The following RBFOX1 variants were observed in gnomAD, a reference collection of about 807,000 sequenced individuals.
RBFOX1 encodes RNA binding fox-1 homolog 1.
Under a neutral mutation model 57.7 loss-of-function variants are expected in RBFOX1, and 8 were observed. The observed-to-expected ratio is 0.14, with a 90% CI of 0.08 to 0.25. The LOEUF (loss-of-function observed/expected upper bound fraction) is 0.25, where lower values mean the gene tolerates loss of function less well. Ranked by LOEUF, RBFOX1 falls within the 10% of genes least tolerant of loss-of-function variation. The pLI is 1.00. For synonymous variants in RBFOX1, 326 were observed against 222.4 expected (o/e 1.47, Z -4.15); for missense variants, 611 against 548.5 (o/e 1.11, Z -1.14).
intron 3 of RBFOX1, among the ~76,000 whole-genome samples, chr16:5,633,911 A>T (rs1238600005): frequency 6.6e-6 from 1 of 152,132 alleles, no homozygotes; most frequent in East Asian, 1.9e-4. Context: ...GAAGATATAC[A>T]GACACCCAAC....
chr16:7,032,034 T>C (rs1461097356), intron 3 of RBFOX1, among the ~76,000 whole-genome samples: 1 of 152,206 alleles, frequency 6.6e-6, no homozygotes, highest in Non-Finnish European at 1.5e-5. Flanking sequence ...AGAAAGTCGA[T>C]TCTCCTTTGT....
At position 7,384,074 on chromosome 16, in the gene RBFOX1, C is replaced by A. The variant is rs553045186; in HGVS notation, c.28-134073C>A. 7.3e-5 allele frequency among the ~76,000 whole-genome samples: 11 copies of A among 151,178 alleles called. No homozygotes were observed. The South Asian group carries it at 1.7e-3, about 23-fold the overall frequency. ...ATCTCAAAAAAAAAAAAAAAGTATC[C>A]CAAGTATGAGAAACATCAGTATAAA... On this transcript the variant is annotated intron_variant, in intron 4 of 15. Coordinates refer to ENST00000550418, the MANE Select transcript of RBFOX1 (RefSeq NM_018723.4).
At chr16:6,646,315 T>TC (rs1225156383) in intron 2 of RBFOX1, among the ~76,000 whole-genome samples, 1 of 152,074 alleles carries the variant, frequency 6.6e-6, no homozygotes, top group African/African-American at 2.4e-5. Flanking sequence ...CTGGGGCGCC[T>TC]CCCGCATAGA....
At chr16:7,133,839 C>T (rs978049693) in intron 4 of RBFOX1, among the ~76,000 whole-genome samples, 3 of 152,132 alleles carry the variant, frequency 2.0e-5, no homozygotes, top group African/African-American at 2.4e-5. Flanking sequence ...TACTCCAAAA[C>T]GTAATGCCCA....
intron 3 of RBFOX1, among the ~76,000 whole-genome samples, chr16:5,779,363 G>T (rs904927760): frequency 1.3e-5 from 2 of 152,158 alleles, no homozygotes; most frequent in Middle Eastern, 3.2e-3. Flanking sequence ...TTTGAACCTA[G>T]CACGAAAGCA....
chr16:7,654,710 C>T (rs1400856294), intron 12 of RBFOX1, among the ~76,000 whole-genome samples: 1 of 152,118 alleles, frequency 6.6e-6, no homozygotes, highest in Non-Finnish European at 1.5e-5. Flanking sequence ...TTTTAAGGCT[C>T]CTGCTAGAAT....
At chr16:6,798,332 G>C (rs1415741741) in intron 3 of RBFOX1, among the ~76,000 whole-genome samples, 1 of 152,148 alleles carries the variant, frequency 6.6e-6, no homozygotes, top group Non-Finnish European at 1.5e-5. Context: ...TCTGAAAAAG[G>C]TTAAATTTTG....
At chr16:7,665,464 G>C (rs1364841959) in intron 13 of RBFOX1, among the ~76,000 whole-genome samples, 2 of 152,040 alleles carry the variant, frequency 1.3e-5, no homozygotes, top group African/African-American at 4.8e-5. Flanking sequence ...AACATCTCCT[G>C]ATTCTCTTAA....
intron 4 of RBFOX1, among the ~76,000 whole-genome samples, chr16:7,242,714 G>A (rs1459547975): frequency 6.6e-5 from 10 of 152,200 alleles, no homozygotes; most frequent in Non-Finnish European, 1.3e-4. Flanking sequence ...GTTGGACCAG[G>A]TTTCTGATTG....
chr16:6,206,329 C>T (rs1464585893), intron 1 of RBFOX1, among the ~76,000 whole-genome samples: 1 of 152,164 alleles, frequency 6.6e-6, no homozygotes, highest in African/African-American at 2.4e-5. Context: ...ACCTCCTATC[C>T]TTCAGGAATC....
At chr16:6,961,814 T>C (rs1242243948) in intron 3 of RBFOX1, among the ~76,000 whole-genome samples, 1 of 152,158 alleles carries the variant, frequency 6.6e-6, no homozygotes, top group Non-Finnish European at 1.5e-5. Flanking sequence ...TTATAATTAA[T>C]GTATAATGAG....
chr16:6,796,523 C>T (rs375949368), intron 3 of RBFOX1, among the ~76,000 whole-genome samples: 2 of 152,178 alleles, frequency 1.3e-5, no homozygotes, highest in Non-Finnish European at 2.9e-5. Context: ...CTGTAAATAA[C>T]AGAATAGATG....
intron 3 of RBFOX1, among the ~76,000 whole-genome samples, chr16:5,644,330 T>C (rs2048978619): frequency 6.6e-6 from 1 of 152,212 alleles, no homozygotes; most frequent in Non-Finnish European, 1.5e-5. Context: ...AGATCCTTGA[T>C]AAGGGCATAG....
At chr16:5,750,515 A>C (rs2053157050) in intron 3 of RBFOX1, among the ~76,000 whole-genome samples, 1 of 152,180 alleles carries the variant, frequency 6.6e-6, no homozygotes, top group African/African-American at 2.4e-5. Flanking sequence ...TGGGCTCCAC[A>C]CAGTTGGAGC....
intron 4 of RBFOX1, among the ~76,000 whole-genome samples, chr16:7,315,197 G>T (rs1437927431): frequency 2.0e-5 from 3 of 151,740 alleles, no homozygotes; most frequent in Non-Finnish European, 4.4e-5. Flanking sequence ...ACTGAGAACT[G>T]AAAACCAACA....
chr16:6,335,773 C>G (rs1430475884), intron 2 of RBFOX1, among the ~76,000 whole-genome samples: 1 of 110,826 alleles, frequency 9.0e-6, no homozygotes, highest in Non-Finnish European at 1.7e-5. Flanking sequence ...GCAAGACTGT[C>G]TCCAAAAAAA....
chr16:7,165,200 G>C (rs2079167102), intron 4 of RBFOX1, among the ~76,000 whole-genome samples: 1 of 152,014 alleles, frequency 6.6e-6, no homozygotes, highest in Admixed American at 6.6e-5. Flanking sequence ...TAGCAAGACA[G>C]TCTCTATCTC....
At chr16:6,549,579 A>G (rs1169882368) in intron 2 of RBFOX1, among the ~76,000 whole-genome samples, 1 of 149,348 alleles carries the variant, frequency 6.7e-6, no homozygotes, top group African/African-American at 2.5e-5. Flanking sequence ...GGGAGGAAGG[A>G]GGAGGAAAGC....
intron 2 of RBFOX1, among the ~76,000 whole-genome samples, chr16:6,429,568 G>A (rs2094019916): frequency 6.6e-6 from 1 of 152,090 alleles, no homozygotes; most frequent in Non-Finnish European, 1.5e-5. Context: ...GTTTGGCTGT[G>A]TCCCCACCCA....
Sources: allele counts gnomAD v4.1 joint callset (sites outside exome capture counted in the v4.1 genomes callset), GRCh38; gene constraint gnomAD v4.1.1; transcripts MANE v1.5; gene names NCBI Gene and HGNC (gene_info 2026-07-23, HGNC 2026-07-21).